BBOX1: variants seen among roughly 807,000 people sequenced by gnomAD.
BBOX1 encodes the protein gamma-butyrobetaine dioxygenase.
A neutral mutation model predicts 41.6 loss-of-function variants in BBOX1; 35 were observed. That is an observed-to-expected ratio of 0.84 (90% CI 0.64 to 1.11). The LOEUF (loss-of-function observed/expected upper bound fraction) is 1.11, where lower values mean the gene tolerates loss of function less well. BBOX1 is among the 50% of genes most tolerant of loss of function. The pLI, the probability that BBOX1 is intolerant of heterozygous loss-of-function variation, is 0.00. For missense variants in BBOX1, 458 were observed against 460.6 expected (o/e 0.99, Z 0.05); for synonymous variants, 163 against 154.7 (o/e 1.05, Z -0.40).
chr11:27,090,492 AT>A (rs1858205060), intron 4 of BBOX1, among the ~76,000 whole-genome samples: 1 of 152,086 alleles, frequency 6.6e-6, no homozygotes, highest in South Asian at 2.1e-4. Context: ...CAAAGATCAC[AT>A]GCTTCTGAGG....
intron 2 of BBOX1, among the ~76,000 whole-genome samples, 157 bp downstream of exon 2, chr11:27,041,635 C>G (rs530644385): frequency 1.3e-5 from 2 of 152,260 alleles, no homozygotes; most frequent in East Asian, 3.9e-4. Context: ...ATGTAGCTCA[C>G]AGTCATGTGG....
intron 4 of BBOX1, among the ~76,000 whole-genome samples, chr11:27,071,988 A>G (rs10742167): frequency 0.74 from 112,173 of 151,898 alleles, 41,771 homozygotes; most frequent in East Asian, 0.94. Flanking sequence ...AAAACTGGAA[A>G]CATTCCCTTT....
intron 2 of BBOX1, among the ~76,000 whole-genome samples, chr11:27,043,460 G>A (rs900640856): frequency 6.6e-6 from 1 of 152,106 alleles, no homozygotes; most frequent in African/African-American, 2.4e-5. Context: ...TGGGGTACAC[G>A]TGCAGAATGT....
Position 27,042,059 on chromosome 11 carries a change from A to G in BBOX1, c.-39+581A>G, listed in dbSNP as rs1266731685. ...AACGAAGCTCAAGAAGGTATATTACAGGTATGGATTTGATTAAAAACGTAA... is the reference window on the plus strand; with the variant it reads ...AACGAAGCTCAAGAAGGTATATTACGGGTATGGATTTGATTAAAAACGTAA... On this transcript the variant is annotated intron_variant, in intron 2 of 8. Transcript: ENST00000263182. 5.3e-5 allele frequency among the ~76,000 whole-genome samples: 8 copies of G among 152,212 alleles called. 1 individual carries two copies.
chr11:27,046,235 C>T (rs779649642), intron 2 of BBOX1: 5 of 151,932 alleles, frequency 3.3e-5, no homozygotes, highest in Non-Finnish European at 5.9e-5. Flanking sequence ...CTTGATTTTC[C>T]AAACAGTGCT....
intron 4 of BBOX1, among the ~76,000 whole-genome samples, chr11:27,083,935 C>T (rs1857941196): frequency 6.6e-6 from 1 of 152,096 alleles, no homozygotes; most frequent in African/African-American, 2.4e-5. Context: ...CAGGAGATTT[C>T]CAGAAGGGCA....
intron 2 of BBOX1, among the ~76,000 whole-genome samples, chr11:27,051,709 T>C (rs1851674995): frequency 6.6e-6 from 1 of 151,908 alleles, no homozygotes; most frequent in Non-Finnish European, 1.5e-5. Context: ...TCTTTGTTTC[T>C]TAGGTTAGCT....
intron 5 of BBOX1, among the ~76,000 whole-genome samples, chr11:27,099,188 A>G (rs1446238099): frequency 1.3e-5 from 2 of 151,836 alleles, no homozygotes; most frequent in Non-Finnish European, 2.9e-5. Flanking sequence ...AGTCAAGCAG[A>G]AGAGAATAAA....
intron 4 of BBOX1, among the ~76,000 whole-genome samples, chr11:27,088,096 G>A (rs1170804658): frequency 1.3e-5 from 2 of 151,880 alleles, no homozygotes; most frequent in African/African-American, 4.8e-5. Context: ...GTGTGTGGGT[G>A]CTATTTTATA....
intron 4 of BBOX1, among the ~76,000 whole-genome samples, chr11:27,081,604 G>A (rs1857837824): frequency 6.6e-6 from 1 of 151,962 alleles, no homozygotes; most frequent in Non-Finnish European, 1.5e-5. Context: ...TGGTATTTCT[G>A]GTTCTAGATT....
intron 7 of BBOX1, among the ~76,000 whole-genome samples, chr11:27,124,941 C>T (rs999869651): frequency 1.3e-5 from 2 of 152,076 alleles, no homozygotes; most frequent in African/African-American, 4.8e-5. Flanking sequence ...AAATAAAAAC[C>T]TTAGTGCCCT....
chr11:27,076,294 A>G (rs1857627255), intron 4 of BBOX1, among the ~76,000 whole-genome samples: 1 of 152,138 alleles, frequency 6.6e-6, no homozygotes, highest in Admixed American at 6.5e-5. Flanking sequence ...TAGACCCTAT[A>G]AAGTTCCTTG....
intron 5 of BBOX1, among the ~76,000 whole-genome samples, chr11:27,094,562 G>T (rs901290406): frequency 2.6e-5 from 4 of 151,926 alleles, no homozygotes; most frequent in African/African-American, 9.7e-5. Flanking sequence ...CAATCTACTG[G>T]ATACAAGTAG....
chr11:27,086,713 G>A (rs890364100), intron 4 of BBOX1, among the ~76,000 whole-genome samples: 1 of 152,074 alleles, frequency 6.6e-6, no homozygotes, highest in Non-Finnish European at 1.5e-5. Context: ...ATTTTATAAG[G>A]TTATTGCTGC....
chr11:27,074,430 G>C (rs1465496404), intron 4 of BBOX1, among the ~76,000 whole-genome samples: 1 of 152,074 alleles, frequency 6.6e-6, no homozygotes, highest in Non-Finnish European at 1.5e-5. Context: ...GAACTTCCTA[G>C]AGGCTTGTTG....
At chr11:27,098,537 G>A (rs1168261669) in intron 5 of BBOX1, among the ~76,000 whole-genome samples, 1 of 152,074 alleles carries the variant, frequency 6.6e-6, no homozygotes, top group Non-Finnish European at 1.5e-5. Context: ...CAACACTTGT[G>A]TAAGATGTCA....
intron 6 of BBOX1, among the ~76,000 whole-genome samples, chr11:27,118,935 A>C (rs1859362023): frequency 6.6e-6 from 1 of 151,736 alleles, no homozygotes; most frequent in African/African-American, 2.4e-5. Context: ...AAAAAAAAAA[A>C]AAAACATAAT....
chr11:27,117,704 G>C (rs1859317527), intron 6 of BBOX1, among the ~76,000 whole-genome samples: 1 of 151,950 alleles, frequency 6.6e-6, no homozygotes, highest in Non-Finnish European at 1.5e-5. Context: ...CTAAGGAAAA[G>C]TGACCAAATG....
rs1256633938 is a variant in BBOX1, at chr11:27,041,347, C to CA, written c.-165dup. 1.3e-5 allele frequency: 2 copies of CA among 152,058 alleles called. No individual in the cohort carries two copies. Among genetic ancestry groups the CA allele is most frequent in the African/African-American group, 4.8e-5 (2 of 41,406 alleles). 9.4% of individuals were successfully genotyped at this position (152,058 alleles called of 1,614,324 possible). On this transcript the variant is annotated 5_prime_UTR_variant, in exon 2 of 9. Transcript: ENST00000263182. ...AGGGCCACAGTGAAACTGCCAGGAG[C>CA]AAAAAGGCTTCCAAGAAAAAGTACC... is the stretch of plus-strand genomic sequence containing the variant.
Sources: allele counts gnomAD v4.1 joint callset (sites outside exome capture counted in the v4.1 genomes callset), GRCh38; gene constraint gnomAD v4.1.1; transcripts MANE v1.5; gene names NCBI Gene and HGNC (gene_info 2026-07-23, HGNC 2026-07-21).